The following SCML4 variants were observed in gnomAD, a reference collection of about 807,000 sequenced individuals.
The protein encoded by SCML4 is sex comb on midleg-like protein 4.
Under a neutral mutation model 41.1 loss-of-function variants are expected in SCML4, and 34 were observed. That is an observed-to-expected ratio of 0.83 (90% CI 0.63 to 1.10). SCML4 has a LOEUF of 1.10. Among genes scored for constraint, SCML4 ranks in the 50% least tolerant of loss-of-function variants. SCML4 has a pLI of 0.00. For synonymous variants in SCML4, 214 were observed against 220.9 expected (o/e 0.97, Z 0.28); for missense variants, 522 against 534.1 (o/e 0.98, Z 0.22).
Position 107,746,674 on chromosome 6 carries a change from T to A in SCML4, c.487+15A>T. Reference sequence around the variant, plus strand: ...ACATCCATGGCCTCCTCATGCAACCTGCCCCAGGCCTTACCTGACACCATC... The same window carrying A: ...ACATCCATGGCCTCCTCATGCAACCAGCCCCAGGCCTTACCTGACACCATC... On this transcript the variant is annotated intron_variant, in intron 4 of 7. Transcript: ENST00000369020. 6.2e-7 allele frequency: 1 copy of A among 1,610,716 alleles called. No homozygotes were observed. The highest frequency in any genetic ancestry group is 8.5e-7 in the Non-Finnish European group (1 of 1,177,542).
At position 107,704,859 on chromosome 6, in the gene SCML4, T is replaced by TGAAA. The variant is rs1773453479; in HGVS notation, c.*340_*341insTTTC. On this transcript the variant is annotated 3_prime_UTR_variant, in exon 8 of 8. Transcript: ENST00000369020. ...GGACAAAGGTCCTTCTTTCATCCTT[T>TGAAA]GAACCCTCCAGAACTCTCCTTGGGC... The TGAAA allele has an allele frequency of 2.9e-6, 1 of 341,288 alleles. No homozygotes were observed. The highest frequency in any genetic ancestry group is 4.8e-5 in the Admixed American group (1 of 21,036). 21.1% of individuals were successfully genotyped at this position (341,288 alleles called of 1,614,324 possible). A position where few individuals can be genotyped will look rare whatever the true frequency, so the allele number is the denominator to read the frequency against.
intron 5 of SCML4, chr6:107,740,065 G>T (rs1777443694): frequency 2.1e-6 from 1 of 467,368 alleles, no homozygotes; most frequent in Non-Finnish European, 4.4e-6. Context: ...AGAACAACTG[G>T]GGTCATTACT....
In SCML4 at chr6:107,705,208, T is replaced by C; in HGVS notation, c.1237A>G (p.Lys413Glu). The C allele has an allele frequency of 6.4e-7, 1 of 1,551,660 alleles. No homozygotes were observed. Among genetic ancestry groups the C allele is most frequent in the Middle Eastern group, 1.7e-4 (1 of 5,992 alleles). ...CYHIDKLKQA[K>E]F Reference sequence around the variant, plus strand: ...CTGTCTTTTTAAAAAAGTCAGAACTTGGCTTGCTTCAGTTTGTCAATGTGG... The same window carrying C: ...CTGTCTTTTTAAAAAAGTCAGAACTCGGCTTGCTTCAGTTTGTCAATGTGG... The change falls in exon 8 of 8, where the codon AAG (lysine) becomes GAG (glutamate). Residue 413 changes from lysine to glutamate, a missense_variant. Physicochemically the swap from Lys to Glu is moderately conservative, Grantham distance 56 (BLOSUM62 1). Transcript: ENST00000369020.
At chr6:107,803,484 G>C (rs944638446) in intron 1 of SCML4, among the ~76,000 whole-genome samples, 2 of 149,290 alleles carry the variant, frequency 1.3e-5, no homozygotes, top group Admixed American at 6.6e-5. Flanking sequence ...GGGCGCCTCT[G>C]CCCGGCCGCC....
At chr6:107,843,691 C>A in the SCML4 span, among the ~76,000 whole-genome samples, 1 of 152,156 alleles carries the variant, frequency 6.6e-6, no homozygotes, top group Non-Finnish European at 1.5e-5. Flanking sequence ...AAGAGCACTG[C>A]CCCCAGAGAC....
At chr6:107,717,599 G>A (rs1774966171) in intron 6 of SCML4, among the ~76,000 whole-genome samples, 1 of 152,140 alleles carries the variant, frequency 6.6e-6, no homozygotes, top group African/African-American at 2.4e-5. Flanking sequence ...CCAGGCTGGA[G>A]TGCAGTGGCG....
chr6:107,808,387 T>A (rs538901234), intron 1 of SCML4, among the ~76,000 whole-genome samples: 1 of 152,238 alleles, frequency 6.6e-6, no homozygotes, highest in African/African-American at 2.4e-5. Flanking sequence ...GGAGCCAGGG[T>A]CCCAGGAGTC....
chr6:107,771,103 A>C (rs889423445), intron 2 of SCML4, among the ~76,000 whole-genome samples: 1 of 152,206 alleles, frequency 6.6e-6, no homozygotes, highest in African/African-American at 2.4e-5. Flanking sequence ...CTTTTACTAA[A>C]ACCAATGACC....
intron 6 of SCML4, among the ~76,000 whole-genome samples, chr6:107,713,209 T>A (rs72949537): frequency 0.013 from 1,930 of 152,318 alleles, 13 homozygotes; most frequent in Non-Finnish European, 0.018. Flanking sequence ...GTACATAATT[T>A]CCTTTCACTC....
chr6:107,825,934 C>G (rs1433560968), upstream of SCML4, among the ~76,000 whole-genome samples: 1 of 42,748 alleles, frequency 2.3e-5, no homozygotes, highest in African/African-American at 1.2e-4. Flanking sequence ...GAGACTCCAT[C>G]TCAAAAAAAA....
At chr6:107,709,077 C>A (rs1035482800) in intron 6 of SCML4, among the ~76,000 whole-genome samples, 3 of 152,106 alleles carry the variant, frequency 2.0e-5, no homozygotes, top group Non-Finnish European at 4.4e-5. Flanking sequence ...AACCCCCTGC[C>A]ATGGGTTCCT....
intron 1 of SCML4, among the ~76,000 whole-genome samples, chr6:107,815,405 A>C (rs1784491810): frequency 6.6e-6 from 1 of 152,234 alleles, no homozygotes; most frequent in African/African-American, 2.4e-5. Flanking sequence ...CAAAAAAGCA[A>C]TATGTATTTC....
At chr6:107,746,957 T>A in intron 3 of SCML4, 68 bp from the exon 4 acceptor site, 1 of 1,353,732 alleles carries the variant, frequency 7.4e-7, no homozygotes, top group Non-Finnish European at 1.0e-6. Context: ...GGCCTCTGTG[T>A]ACACGGGGGA....
upstream of SCML4, among the ~76,000 whole-genome samples, chr6:107,824,542 C>CTAA (rs1785175629): frequency 6.8e-6 from 1 of 146,348 alleles, no homozygotes; most frequent in African/African-American, 2.5e-5. Context: ...CTCTTAGCAG[C>CTAA]CTAAGAGAAA....
chr6:107,803,100 C>T (rs967968932), intron 1 of SCML4, among the ~76,000 whole-genome samples: 1 of 151,934 alleles, frequency 6.6e-6, no homozygotes, highest in Non-Finnish European at 1.5e-5. Flanking sequence ...GCTACAACTT[C>T]CACCTCCCAG....
intron 1 of SCML4, among the ~76,000 whole-genome samples, chr6:107,805,717 C>T (rs536796376): frequency 2.2e-4 from 33 of 152,276 alleles, no homozygotes; most frequent in Middle Eastern, 3.4e-3. Context: ...CGAAGAGTGA[C>T]GTAAAGTTGT....
intron 1 of SCML4, among the ~76,000 whole-genome samples, chr6:107,802,494 G>T (rs779016072): frequency 1.9e-4 from 29 of 151,744 alleles, no homozygotes; most frequent in Admixed American, 7.2e-4. Flanking sequence ...GGGAAGGCGG[G>T]GTAGGAAATG....
At chr6:107,715,710 A>T (rs1774708566) in intron 6 of SCML4, among the ~76,000 whole-genome samples, 1 of 152,162 alleles carries the variant, frequency 6.6e-6, no homozygotes, top group Non-Finnish European at 1.5e-5. Flanking sequence ...GACGTGATAT[A>T]TCACAACTGC....
At chr6:107,719,427 A>C (rs1335166182) in intron 6 of SCML4, 1 of 152,316 alleles carries the variant, frequency 6.6e-6, no homozygotes, top group African/African-American at 2.4e-5. Context: ...TGCTGGGGTC[A>C]CTGGTGGAAG....
Sources: allele counts gnomAD v4.1 joint callset (sites outside exome capture counted in the v4.1 genomes callset), GRCh38; gene constraint gnomAD v4.1.1; transcripts MANE v1.5; gene names NCBI Gene and HGNC (gene_info 2026-07-23, HGNC 2026-07-21).